The following THSD7A variants were observed in gnomAD, a reference collection of about 807,000 sequenced individuals.
THSD7A encodes thrombospondin type 1 domain containing 7A.
In THSD7A, 96 loss-of-function variants were observed where a neutral mutation model predicts 231.3. That is an observed-to-expected ratio of 0.41 (90% confidence interval 0.35 to 0.49). The LOEUF (loss-of-function observed/expected upper bound fraction) is 0.49. THSD7A is among the 20% of genes least tolerant of loss of function. The pLI is 0.05. For missense variants in THSD7A, 2,290 were observed against 2,070.2 expected (o/e 1.11, Z -2.06); for synonymous variants, 940 against 743.3 (o/e 1.26, Z -4.30).
chr7:11,533,241 C>T (rs1343177863), intron 6 of THSD7A, among the ~76,000 whole-genome samples: 2 of 152,160 alleles, frequency 1.3e-5, no homozygotes, highest in South Asian at 4.1e-4. Flanking sequence ...TTCTGTGGTC[C>T]AGAGGCCAAC....
intron 23 of THSD7A, among the ~76,000 whole-genome samples, chr7:11,390,043 A>G (rs1247029215): frequency 2.0e-5 from 3 of 152,192 alleles, no homozygotes; most frequent in African/African-American, 7.2e-5. Context: ...GCTGCCCTTA[A>G]CATTTTTTCG....
chr7:11,515,883 T>C (rs62435236), intron 6 of THSD7A, among the ~76,000 whole-genome samples: 3,835 of 152,284 alleles, frequency 0.025, 68 homozygotes, highest in Non-Finnish European at 0.039. Flanking sequence ...CTAAGTGAGT[T>C]GTGACTTCAT....
At chr7:11,506,149 G>A (rs529547984) in intron 6 of THSD7A, among the ~76,000 whole-genome samples, 1 of 151,626 alleles carries the variant, frequency 6.6e-6, no homozygotes, top group Admixed American at 6.6e-5. Flanking sequence ...GTGACACCAC[G>A]CCTGGCTAAT....
chr7:11,414,247 A>C lies in THSD7A; in HGVS notation c.3538-1447T>G, dbSNP rs1783885641. 1.3e-5 allele frequency among the ~76,000 whole-genome samples: 2 copies of C among 152,232 alleles called. 1 individual carries two copies. The highest frequency in any genetic ancestry group is 4.1e-4 in the South Asian group (2 of 4,834). On this transcript the variant is annotated intron_variant, in intron 17 of 27. Coordinates refer to ENST00000423059, the MANE Select transcript of THSD7A (RefSeq NM_015204.3). The stretch of plus-strand genomic sequence containing the variant: ...TCTGGGTAGTCCATGGAGGATGTAC[A>C]GTAAGGGTTTCTGTGACCTCTGTTT...
At chr7:11,648,321 T>A (rs1022156946) in intron 1 of THSD7A, among the ~76,000 whole-genome samples, 11 of 152,024 alleles carry the variant, frequency 7.2e-5, no homozygotes, top group African/African-American at 2.7e-4. Context: ...CTGAAGTTTT[T>A]ATTTTTTTAG....
At chr7:11,744,327 T>C (rs1225645259) in intron 1 of THSD7A, among the ~76,000 whole-genome samples, 1 of 151,918 alleles carries the variant, frequency 6.6e-6, no homozygotes, top group Non-Finnish European at 1.5e-5. Context: ...AGCTTTACCA[T>C]TATATTAAAA....
rs368923462 is a variant in THSD7A, at chr7:11,406,466, C to A, written c.4071G>T (p.Gln1357His). 6 of 1,606,916 alleles carry A rather than the reference C, an allele frequency of 3.7e-6. No homozygotes were observed. The highest frequency in any genetic ancestry group is 3.3e-5 in the South Asian group (3 of 89,578). ...QWSPCQVQEA[Q>H]CGEGTRTRNI... ...TCCTTGTTCTGGTCCCTTCTCCACA[C>A]TGGGCCTCCTGGAATGGAGGAAGAA... Residue 1357 changes from glutamine (Q) to histidine (H), a missense_variant, in exon 22 of 28, where the codon CAG becomes CAT. Physicochemically the swap from Gln to His is conservative, Grantham distance 24. Coordinates refer to ENST00000423059, the MANE Select transcript of THSD7A (RefSeq NM_015204.3). This position sits in a 1 kb window ranked among gnomAD's most constrained non-coding sequence, Gnocchi z 4.7.
intron 4 of THSD7A, among the ~76,000 whole-genome samples, chr7:11,557,935 G>T (rs765860809): frequency 1.3e-5 from 2 of 152,180 alleles, no homozygotes; most frequent in Non-Finnish European, 2.9e-5. Flanking sequence ...GCTGATATGG[G>T]TGAGGGTATG....
At chr7:11,785,701 T>A (rs777530366) in intron 1 of THSD7A, among the ~76,000 whole-genome samples, 1 of 152,146 alleles carries the variant, frequency 6.6e-6, no homozygotes, top group Non-Finnish European at 1.5e-5. Flanking sequence ...AATGTTCTAA[T>A]AAACTCCCTG....
intron 1 of THSD7A, among the ~76,000 whole-genome samples, chr7:11,717,815 A>G (rs1583219753): frequency 6.6e-6 from 1 of 151,498 alleles, no homozygotes; most frequent in African/African-American, 2.4e-5. Context: ...CTAAACTTCC[A>G]TGTCTTTAAC....
At chr7:11,731,562 T>C (rs985462815) in intron 1 of THSD7A, among the ~76,000 whole-genome samples, 1 of 151,672 alleles carries the variant, frequency 6.6e-6, no homozygotes, top group Non-Finnish European at 1.5e-5. Flanking sequence ...ATTTCCAATA[T>C]CTCAAGACAA....
intron 6 of THSD7A, among the ~76,000 whole-genome samples, chr7:11,531,846 G>A (rs1055120979): frequency 2.4e-4 from 36 of 152,142 alleles, no homozygotes; most frequent in African/African-American, 8.2e-4. Context: ...TTTTAAGAAA[G>A]GATCAGAGAA....
chr7:11,539,999 T>C (rs1789075211), intron 6 of THSD7A, among the ~76,000 whole-genome samples: 1 of 152,164 alleles, frequency 6.6e-6, no homozygotes, highest in South Asian at 2.1e-4. Flanking sequence ...GGTAACAGTA[T>C]TGTGTAATCC....
Position 11,481,998 on chromosome 7 carries a change from C to T in THSD7A, c.1823-16G>A, listed in dbSNP as rs752860051. The T allele has an allele frequency of 1.3e-6, 2 of 1,577,264 alleles. No homozygotes were observed. The highest frequency in any genetic ancestry group is 1.7e-6 in the Non-Finnish European group (2 of 1,158,354). ...ACTTCTTCTCCTGGGGAAAACATGA[C>T]CACCAACAGCTATTATTGTTAAATT... On this transcript the variant is annotated splice_polypyrimidine_tract_variant and intron_variant, in intron 6 of 27. Transcript: ENST00000423059.
At chr7:11,736,070 G>T (rs192925700) in intron 1 of THSD7A, among the ~76,000 whole-genome samples, 364 of 151,824 alleles carry the variant, frequency 2.4e-3, no homozygotes, top group Admixed American at 4.2e-3. Flanking sequence ...TATTCCTAAT[G>T]TATACTAGAT....
intron 1 of THSD7A, among the ~76,000 whole-genome samples, chr7:11,667,107 G>C (rs987305180): frequency 1.3e-5 from 2 of 151,870 alleles, no homozygotes; most frequent in Non-Finnish European, 2.9e-5. Context: ...TGATTACATG[G>C]ATAAGTTCGT....
intron 1 of THSD7A, among the ~76,000 whole-genome samples, chr7:11,726,675 A>G (rs538010866): frequency 6.6e-6 from 1 of 152,140 alleles, no homozygotes; most frequent in African/African-American, 2.4e-5. Flanking sequence ...GAGAAATGCA[A>G]TTTGGGCCGA....
chr7:11,671,147 A>G (rs1192116080), intron 1 of THSD7A, among the ~76,000 whole-genome samples: 2 of 152,204 alleles, frequency 1.3e-5, no homozygotes, highest in African/African-American at 2.4e-5. Flanking sequence ...TAAACAGTGG[A>G]AATGGAAAGT....
intron 6 of THSD7A, among the ~76,000 whole-genome samples, chr7:11,503,373 G>C (rs901116981): frequency 2.6e-5 from 4 of 152,084 alleles, no homozygotes; most frequent in South Asian, 2.1e-4. Flanking sequence ...AGACAACCTA[G>C]GCAATACCAT....
Sources: allele counts gnomAD v4.1 joint callset (sites outside exome capture counted in the v4.1 genomes callset), GRCh38; gene constraint gnomAD v4.1.1; non-coding constraint Gnocchi (gnomAD v3.1); transcripts MANE v1.5; gene names NCBI Gene and HGNC (gene_info 2026-07-23, HGNC 2026-07-21).